The following CFAP100 variants were observed in gnomAD, a reference collection of about 807,000 sequenced individuals.
The protein encoded by CFAP100 is cilia and flagella associated protein 100.
CFAP100 carries 70 observed loss-of-function variants against 81.5 expected under a neutral mutation model. That is an observed-to-expected ratio of 0.86 (90% CI 0.71 to 1.05). The LOEUF is 1.05. Ranked by LOEUF, CFAP100 falls within the 50% of genes least tolerant of loss-of-function variation. The pLI is 0.00. For synonymous variants in CFAP100, 341 were observed against 314.8 expected (o/e 1.08, Z -0.88); for missense variants, 811 against 776.5 (o/e 1.04, Z -0.53).
intron 5 of CFAP100, chr3:126,418,212 C>T: frequency 1.9e-6 from 1 of 527,552 alleles, no homozygotes; most frequent in Non-Finnish European, 3.4e-6. Context: ...AGGCGCAAGT[C>T]AGACACAGTA....
At chr3:126,401,512 TAGAC>T (rs1380423069) in intron 2 of CFAP100, among the ~76,000 whole-genome samples, 5 of 148,070 alleles carry the variant, frequency 3.4e-5, no homozygotes, top group East Asian at 2.0e-4. Flanking sequence ...AACAACTAAA[TAGAC>T]AGGATGGTTC....
intron 2 of CFAP100, among the ~76,000 whole-genome samples, chr3:126,403,469 C>T (rs2083018520): frequency 6.7e-6 from 1 of 149,324 alleles, no homozygotes. Context: ...ACTGCAATCT[C>T]CACCTCCCAG....
At chr3:126,417,269 T>G (rs2083259395) in intron 5 of CFAP100, among the ~76,000 whole-genome samples, 2 of 150,970 alleles carry the variant, frequency 1.3e-5, no homozygotes, top group African/African-American at 4.9e-5. Context: ...GGGGATTGAA[T>G]GTGCTAATAC....
At chr3:126,401,413 ATATATATATATATATATATATATATAT>A (rs1332817074) in intron 2 of CFAP100, among the ~76,000 whole-genome samples, 8 of 82,222 alleles carry the variant, frequency 9.7e-5, no homozygotes, top group Non-Finnish European at 1.7e-4. Flanking sequence ...ATATATATAT[ATATATATATATATATATATATATATAT>A]ATAGTATTAT....
chr3:126,433,150 G>A lies in CFAP100; in HGVS notation c.1368G>A (p.Glu456=). The part of the protein sequence containing the change: ...SITKEEDTAA[E]LELKARVFHF... The stretch of plus-strand genomic sequence containing the variant: ...CCAAGGAGGAGGACACAGCAGCTGA[G>A]CTGGAGCTCAAAGCCCGAGTCTTCC... Residue 456 remains glutamate (E), a synonymous_variant, in exon 14 of 17, where the codon GAG becomes GAA. Coordinates refer to ENST00000352312, the MANE Select transcript of CFAP100 (RefSeq NM_182628.3). The A allele has an allele frequency of 6.2e-7, 1 of 1,614,240 alleles. No individual in the cohort carries two copies. Among genetic ancestry groups the A allele is most frequent in the East Asian group, 2.2e-5 (1 of 44,872 alleles).
intron 7 of CFAP100, 30 bp from the exon 8 acceptor site, chr3:126,419,046 A>ACCCCCCC: frequency 5.4e-6 from 1 of 184,500 alleles, no homozygotes; most frequent in Non-Finnish European, 9.6e-6. Context: ...CCTTGCCCCC[A>ACCCCCCC]TCCCTCCTCC....
At chr3:126,409,297 G>A (rs971085016) in intron 3 of CFAP100, among the ~76,000 whole-genome samples, 1 of 152,216 alleles carries the variant, frequency 6.6e-6, no homozygotes, top group African/African-American at 2.4e-5. Flanking sequence ...TCCCGTCTGG[G>A]AGAAGCATCC....
chr3:126,435,122 G>A (rs1933392429), intron 15 of CFAP100, among the ~76,000 whole-genome samples: 1 of 152,148 alleles, frequency 6.6e-6, no homozygotes, highest in Admixed American at 6.5e-5. Context: ...GCTCAGAGTG[G>A]GCACTAGACC....
chr3:126,434,168 C>T lies in CFAP100; in HGVS notation c.1423-8C>T. Reference sequence around the variant, plus strand: ...CCAGCACCCTGCTGGAAGCCACCTCCTCCACAGGATAAGCTGCTAGAGAGC... The same window carrying T: ...CCAGCACCCTGCTGGAAGCCACCTCTTCCACAGGATAAGCTGCTAGAGAGC... On this transcript the variant is annotated splice_region_variant and splice_polypyrimidine_tract_variant and intron_variant, in intron 14 of 16. Transcript: ENST00000352312. The T allele has an allele frequency of 6.3e-7, 1 of 1,598,972 alleles. No individual in the cohort carries two copies. Among genetic ancestry groups the T allele is most frequent in the Non-Finnish European group, 8.6e-7 (1 of 1,168,988 alleles).
intron 13 of CFAP100, among the ~76,000 whole-genome samples, chr3:126,427,866 C>T (rs968889570): frequency 1.3e-5 from 2 of 152,182 alleles, no homozygotes; most frequent in Admixed American, 1.3e-4. Flanking sequence ...AGGGAACTTA[C>T]AGTCATAGCA....
chr3:126,408,502 C>T lies in CFAP100; in HGVS notation c.130+1250C>T, dbSNP rs557391382. 2.6e-5 allele frequency among the ~76,000 whole-genome samples: 4 copies of T among 152,322 alleles called. No homozygotes were observed. The East Asian group carries it at 5.8e-4, about 22-fold the overall frequency. On this transcript the variant is annotated intron_variant, in intron 3 of 16. Coordinates refer to ENST00000352312, the MANE Select transcript of CFAP100 (RefSeq NM_182628.3). ...GACTTGTTGAGCAGTGGTGTCGCCT[C>T]TCCTGCAGCAAGCCCCAGTGTCCCC...
chr3:126,410,481 A>G (rs573785635), intron 3 of CFAP100, among the ~76,000 whole-genome samples: 2 of 151,604 alleles, frequency 1.3e-5, no homozygotes, highest in South Asian at 4.2e-4. Flanking sequence ...TTCCTTTGTG[A>G]TCCTTATACC....
At chr3:126,418,905 G>A in intron 7 of CFAP100, 131 bp downstream of exon 7, 1 of 1,209,962 alleles carries the variant, frequency 8.3e-7, no homozygotes, top group Non-Finnish European at 1.1e-6. Context: ...GGGCCGGTCG[G>A]GAGCCAAGGG....
chr3:126,403,087 G>C (rs542251441), intron 2 of CFAP100, among the ~76,000 whole-genome samples: 1 of 152,180 alleles, frequency 6.6e-6, no homozygotes, highest in African/African-American at 2.4e-5. Flanking sequence ...TTCGCAGGAG[G>C]GGGAAGGCCA....
At chr3:126,423,987 C>A (rs1470710902) in intron 13 of CFAP100, among the ~76,000 whole-genome samples, 1 of 152,236 alleles carries the variant, frequency 6.6e-6, no homozygotes, top group African/African-American at 2.4e-5. Flanking sequence ...GACCCTGACC[C>A]CCCAGTTCAT....
chr3:126,411,926 A>G (rs1474562058), intron 3 of CFAP100, among the ~76,000 whole-genome samples: 1 of 150,566 alleles, frequency 6.6e-6, no homozygotes, highest in African/African-American at 2.4e-5. Context: ...GATATTTGCT[A>G]TTTTTTTTCT....
rs59470048 is a variant in CFAP100 at position 126,419,198 on chromosome 3, C to T, written c.731+42C>T. 1,420 of 1,340,554 alleles carry T rather than the reference C, an allele frequency of 1.1e-3. 12 individuals carry two copies. The African/African-American group carries it at 0.019, about 17-fold the overall frequency. The allele number at this position is 1,340,554 out of a possible 1,614,324, so 83.0% of individuals were successfully genotyped here. Reference sequence around the variant, plus strand: ...TGCTGGCCATTGGCTGGCCCACCTCCTGGTCCCTCAGTCATTTTGCCTGGC... The same window carrying T: ...TGCTGGCCATTGGCTGGCCCACCTCTTGGTCCCTCAGTCATTTTGCCTGGC... On this transcript the variant is annotated intron_variant, in intron 8 of 16. Coordinates refer to ENST00000352312, the MANE Select transcript of CFAP100 (RefSeq NM_182628.3).
intron 2 of CFAP100, among the ~76,000 whole-genome samples, chr3:126,399,829 C>G (rs912424128): frequency 1.1e-4 from 17 of 152,238 alleles, no homozygotes; most frequent in African/African-American, 3.8e-4. Flanking sequence ...AGCAGCTGTA[C>G]CAGCCTCCAG....
At position 126,416,803 on chromosome 3, in the gene CFAP100, C is replaced by A. The variant is rs1576632030; in HGVS notation, c.418+295C>A. ...GAGCTGAAAGTAGGTGAGTACAATA[C>A]AGCAAGATATTTTGAGAAAGAGACC... On this transcript the variant is annotated intron_variant, in intron 5 of 16. Transcript: ENST00000352312. 7 of 304,340 alleles carry A rather than the reference C, an allele frequency of 2.3e-5. No individual in the cohort carries two copies. The East Asian group carries it at 3.9e-4, about 17-fold the overall frequency. The allele number at this position is 304,340 out of a possible 1,614,324, so 18.9% of individuals were successfully genotyped here. A position where few individuals can be genotyped will look rare whatever the true frequency, so the allele number is the denominator to read the frequency against.
Sources: gnomAD v4.1 joint callset for allele counts (sites outside exome capture counted in the v4.1 genomes callset) on GRCh38, gnomAD v4.1.1 for gene constraint, MANE v1.5 for transcripts, NCBI Gene and HGNC (gene_info 2026-07-23, HGNC 2026-07-21) for gene names.